Variants in MAP7 observed in about 807,000 individuals in gnomAD.
MAP7 encodes microtubule associated protein 7.
In MAP7, 52 loss-of-function variants were observed where a neutral mutation model predicts 94.8. The ratio of observed to expected loss-of-function variants is 0.55; its 90% CI spans 0.44 to 0.69. The LOEUF (loss-of-function observed/expected upper bound fraction) is 0.69. MAP7 is among the 30% of genes least tolerant of loss of function. MAP7 has a pLI of 0.00. For synonymous variants in MAP7, 350 were observed against 357.0 expected, an observed-to-expected ratio of 0.98 and a Z score of 0.22; for missense variants, 940 against 964.6, an observed-to-expected ratio of 0.97 and a Z score of 0.34.
intron 1 of MAP7, among the ~76,000 whole-genome samples, chr6:136,452,051 G>A (rs907155670): frequency 1.6e-4 from 24 of 152,136 alleles, no homozygotes; most frequent in African/African-American, 4.1e-4. Context: ...AAAATTAGCC[G>A]GGCATGGTGG....
intron 1 of MAP7, among the ~76,000 whole-genome samples, chr6:136,549,598 CAG>C (rs1829981082): frequency 6.6e-6 from 1 of 152,178 alleles, no homozygotes; most frequent in Admixed American, 6.5e-5. Context: ...ATCCTCAACA[CAG>C]AGGCCTGACC....
intron 16 of MAP7, among the ~76,000 whole-genome samples, chr6:136,354,794 T>C (rs1032654613): frequency 2.0e-5 from 3 of 152,208 alleles, no homozygotes; most frequent in Admixed American, 2.0e-4. Context: ...AGAATTTTAT[T>C]ATCTGTATCA....
At chr6:136,360,664 G>T in intron 13 of MAP7, 33 bp downstream of exon 13, 5 of 1,597,020 alleles carry the variant, frequency 3.1e-6, no homozygotes, top group Non-Finnish European at 4.3e-6. Flanking sequence ...GTGCAAGTTC[G>T]CGTCCCGGGC....
chr6:136,343,863 C>T lies in MAP7; in HGVS notation c.*365G>A, dbSNP rs1787015821. On this transcript the variant is annotated 3_prime_UTR_variant, in exon 18 of 18. Coordinates refer to ENST00000354570, the MANE Select transcript of MAP7 (RefSeq NM_003980.6). ...ATAAAAGGTAAAAAATTTTTTTTGC[C>T]AATTTTACATGTTAAGCTTTTAAGA... is the stretch of plus-strand genomic sequence containing the variant. 6.2e-6 allele frequency: 1 copy of T among 160,942 alleles called. No individual in the cohort carries two copies. The highest frequency in any genetic ancestry group is 2.0e-4 in the South Asian group (1 of 4,880). The allele number at this position is 160,942 out of a possible 1,614,324, so 10.0% of individuals were successfully genotyped here.
intron 1 of MAP7, among the ~76,000 whole-genome samples, chr6:136,472,164 T>A (rs1319977390): frequency 6.6e-6 from 1 of 152,156 alleles, no homozygotes; most frequent in Non-Finnish European, 1.5e-5. Flanking sequence ...GATTCAATTG[T>A]CCCCTTTCAC....
intron 9 of MAP7, 43 bp from the exon 10 acceptor site, chr6:136,366,061 G>T: frequency 6.3e-7 from 1 of 1,575,454 alleles, no homozygotes; most frequent in South Asian, 1.2e-5. Context: ...GGACACATGA[G>T]AACAGGCTTG....
intron 1 of MAP7, among the ~76,000 whole-genome samples, chr6:136,456,633 T>C (rs1802940827): frequency 6.6e-6 from 1 of 151,020 alleles, no homozygotes; most frequent in African/African-American, 2.4e-5. Context: ...GATTATGCTA[T>C]AGCATTTCGG....
chr6:136,466,092 T>C (rs1342388387), intron 1 of MAP7, among the ~76,000 whole-genome samples: 1 of 152,224 alleles, frequency 6.6e-6, no homozygotes, highest in African/African-American at 2.4e-5. Context: ...AAAGCCCATG[T>C]GTGACTCACT....
intron 3 of MAP7, among the ~76,000 whole-genome samples, chr6:136,410,413 G>A (rs1787071033): frequency 6.6e-6 from 1 of 152,178 alleles, no homozygotes; most frequent in South Asian, 2.1e-4. Flanking sequence ...GCTTGTCAAA[G>A]CAACCTTAGT....
chr6:136,360,071 GA>G, intron 13 of MAP7, 40 bp from the exon 14 acceptor site: 7 of 1,502,590 alleles, frequency 4.7e-6, no homozygotes, highest in South Asian at 2.5e-5. Context: ...ATTAGACACA[GA>G]AAAAAAGCCA....
intron 1 of MAP7, chr6:136,466,629 G>C (rs1029076243): frequency 8.5e-6 from 6 of 703,810 alleles, no homozygotes; most frequent in Non-Finnish European, 1.3e-5. Context: ...AAAAAAAAAA[G>C]ATTAGAAGAT....
chr6:136,475,442 A>T (rs1408319360), intron 1 of MAP7, among the ~76,000 whole-genome samples: 6 of 152,238 alleles, frequency 3.9e-5, no homozygotes, highest in Non-Finnish European at 8.8e-5. Context: ...TGCCAGTAGT[A>T]CTGTAGATTC....
At position 136,550,304 on chromosome 6, in the gene MAP7, GCC is replaced by G; in HGVS notation, c.67+36_67+37del. 1 of 1,463,020 alleles carries G rather than the reference GCC, an allele frequency of 6.8e-7. No individual in the cohort carries two copies. Among genetic ancestry groups the G allele is most frequent in the Non-Finnish European group, 9.0e-7 (1 of 1,108,722 alleles). 90.6% of individuals were successfully genotyped at this position (1,463,020 alleles called of 1,614,324 possible). A position where few individuals can be genotyped will look rare whatever the true frequency, so the allele number is the denominator to read the frequency against. ...CCGCCGGCCCCGCTCGCCGTCCCCT[GCC>G]CGACGGGACCCCCACTATCCCCGCT... On this transcript the variant is annotated intron_variant, in intron 1 of 17. Coordinates refer to ENST00000354570, the MANE Select transcript of MAP7 (RefSeq NM_003980.6). This position sits in a 1 kb window ranked among gnomAD's most constrained non-coding sequence, Gnocchi z 5.1.
chr6:136,545,340 G>A (rs1439161557), intron 1 of MAP7: 1 of 151,980 alleles, frequency 6.6e-6, no homozygotes, highest in African/African-American at 2.4e-5. Flanking sequence ...AAAATCAATG[G>A]AAGAGAATGA....
intron 1 of MAP7, among the ~76,000 whole-genome samples, chr6:136,445,831 T>C (rs1021475777): frequency 6.6e-6 from 1 of 152,240 alleles, no homozygotes; most frequent in Non-Finnish European, 1.5e-5. Context: ...ATGAATAACA[T>C]TGTCTCTGTA....
chr6:136,375,647 A>G (rs1775895236), intron 7 of MAP7, among the ~76,000 whole-genome samples: 1 of 152,224 alleles, frequency 6.6e-6, no homozygotes. Flanking sequence ...GAAAATTTTA[A>G]AAAACCCCAG....
At chr6:136,379,554 T>C (rs192197345) in intron 6 of MAP7, among the ~76,000 whole-genome samples, 1 of 152,210 alleles carries the variant, frequency 6.6e-6, no homozygotes, top group Admixed American at 6.5e-5. Context: ...CAGGGTAAAA[T>C]CAGTGGGGAA....
intron 3 of MAP7, among the ~76,000 whole-genome samples, chr6:136,407,070 T>C (rs1350398687): frequency 6.6e-6 from 1 of 152,200 alleles, no homozygotes; most frequent in Non-Finnish European, 1.5e-5. Flanking sequence ...GGATTATACA[T>C]AGTGAAGTGT....
At chr6:136,363,987 A>C (rs151202979) in intron 10 of MAP7, 1 of 227,346 alleles carries the variant, frequency 4.4e-6, no homozygotes, top group African/African-American at 2.3e-5. Flanking sequence ...GGTGGTTTAA[A>C]AATATTTCCA....
Sources: gnomAD v4.1 joint callset for allele counts (sites outside exome capture counted in the v4.1 genomes callset) on GRCh38, gnomAD v4.1.1 for gene constraint, Gnocchi (gnomAD v3.1) non-coding constraint, MANE v1.5 for transcripts, NCBI Gene and HGNC (gene_info 2026-07-23, HGNC 2026-07-21) for gene names.